Variants in USF1 observed in about 807,000 individuals in gnomAD.
USF1 encodes upstream transcription factor 1, also known as upstream stimulatory factor 1.
A neutral mutation model predicts 46.3 loss-of-function variants in USF1; 22 were observed. That is an observed-to-expected ratio of 0.47 (90% CI 0.34 to 0.68). USF1 has a LOEUF of 0.68. Among genes scored for constraint, USF1 ranks in the 30% least tolerant of loss-of-function variants. The pLI, the probability that USF1 is intolerant of heterozygous loss-of-function variation, is 0.01. For missense variants in USF1, 287 were observed against 399.3 expected, an observed-to-expected ratio of 0.72 and a Z score of 2.40; for synonymous variants, 150 against 147.0, an observed-to-expected ratio of 1.02 and a Z score of -0.15.
At chr1:161,043,546 T>G (rs977754204) in intron 1 of USF1, among the ~76,000 whole-genome samples, 186 bp from the exon 2 acceptor site, 1 of 151,980 alleles carries the variant, frequency 6.6e-6, no homozygotes, top group African/African-American at 2.4e-5. Flanking sequence ...CTACAAATAG[T>G]GTTCCCCATC....
At chr1:161,042,997 G>T in intron 2 of USF1, 115 bp from the exon 3 acceptor site, 1 of 1,453,112 alleles carries the variant, frequency 6.9e-7, no homozygotes, top group Non-Finnish European at 9.7e-7. Context: ...AGCTGGGTTA[G>T]GTTAGAATAA....
rs1385345803 is a variant in USF1 at position 161,040,209 on chromosome 1, C to T, written c.836G>A (p.Arg279Gln). 3.7e-6 allele frequency: 6 copies of T among 1,613,886 alleles called. No individual in the cohort carries two copies. The highest frequency in any genetic ancestry group is 2.2e-5 in the East Asian group (1 of 44,884). The change falls in exon 10 of 11, where the codon CGA (arginine) becomes CAA (glutamine). Residue 279 changes from arginine (R) to glutamine (Q), a missense_variant. By Grantham distance (43) the Arg-to-Gln change is conservative. Transcript: ENST00000368021. This position sits in a 1 kb window ranked among gnomAD's most constrained non-coding sequence, Gnocchi z 4.0. Reference sequence around the variant, plus strand: ...TGGGGGTAGGAGTCTGACCTGTTGTCGAAGCACGTCATTGTCCAGCTGCAG... The same window carrying T: ...TGGGGGTAGGAGTCTGACCTGTTGTTGAAGCACGTCATTGTCCAGCTGCAG... Reference protein sequence around the residue: ...DQLQLDNDVLRQQVEDLKNKN... With the variant: ...DQLQLDNDVLQQQVEDLKNKN...
rs769261239 is a variant in USF1 at position 161,039,971 on chromosome 1, A to C, written c.882T>G (p.Ala294=). The C allele has an allele frequency of 6.2e-7, 1 of 1,614,192 alleles. No homozygotes were observed. The highest frequency in any genetic ancestry group is 1.1e-5 in the South Asian group (1 of 91,082). The change falls in exon 11 of 11, where the codon GCT becomes GCG. Residue 294 remains alanine (A), a synonymous_variant. Transcript: ENST00000368021. ...DLKNKNLLLR[A]QLRHHGLEVV... The stretch of plus-strand genomic sequence containing the variant: ...CCTCTAATCCGTGGTGCCGCAACTG[A>C]GCTCGAAGCAGCAGATTCTTGTTTT...
intron 1 of USF1, among the ~76,000 whole-genome samples, chr1:161,043,569 C>G (rs1298591519): frequency 1.3e-5 from 2 of 151,956 alleles, no homozygotes; most frequent in African/African-American, 4.8e-5. Flanking sequence ...TCCATTATCA[C>G]TCCAACTCCT....
intron 4 of USF1, 116 bp from the exon 5 acceptor site, chr1:161,042,333 A>G: frequency 1.7e-6 from 2 of 1,149,980 alleles, no homozygotes; most frequent in Non-Finnish European, 2.5e-6. Flanking sequence ...AAAGTCCTTC[A>G]GAGACATGGA....
chr1:161,042,845 G>A lies in USF1; in HGVS notation c.46C>T (p.Gln16Ter). 6.2e-7 allele frequency: 1 copy of A among 1,614,162 alleles called. No individual in the cohort carries two copies. The highest frequency in any genetic ancestry group is 8.5e-7 in the Non-Finnish European group (1 of 1,180,030). ...KTAETEEGTV[Q>*]IQEGAVATGE... The stretch of plus-strand genomic sequence containing the variant: ...TTCTAGCACTCACCTTCCTGAATCT[G>A]CACTGTCCCCTCTTCCGTTTCAGCT... Residue 16 changes from glutamine (Q) to a stop codon, truncating the protein, a stop_gained, in exon 3 of 11, where the codon CAG (glutamine) becomes TAG (stop). Coordinates refer to ENST00000368021, the MANE Select transcript of USF1 (RefSeq NM_007122.5). LOFTEE classifies it high-confidence loss of function.
rs761773351 is a variant in USF1 at position 161,043,297 on chromosome 1, C to G, written c.-22G>C. ...TCATCTCTCTGTGAGGGGGCACATC[C>G]GAGGAACTGGTCCTTTTTTGGAGGT... On this transcript the variant is annotated 5_prime_UTR_variant, in exon 2 of 11. Coordinates refer to ENST00000368021, the MANE Select transcript of USF1 (RefSeq NM_007122.5). The G allele has an allele frequency of 6.2e-7, 1 of 1,614,194 alleles. No individual in the cohort carries two copies. Among genetic ancestry groups the G allele is most frequent in the South Asian group, 1.1e-5 (1 of 91,078 alleles).
chr1:161,042,015 T>C, intron 5 of USF1, 101 bp downstream of exon 5: 1 of 1,382,404 alleles, frequency 7.2e-7, no homozygotes, highest in Non-Finnish European at 1.0e-6. Flanking sequence ...CAAGGCAGCC[T>C]TAGATGCCTC....
At chr1:161,043,094 C>T (rs562934696) in intron 2 of USF1, among the ~76,000 whole-genome samples, 174 bp downstream of exon 2, 4 of 152,280 alleles carry the variant, frequency 2.6e-5, no homozygotes, top group South Asian at 2.1e-4. Flanking sequence ...AACAGCACCA[C>T]GAGATAGATA....
In USF1 at chr1:161,040,855, CG is replaced by C; in HGVS notation, c.577del (p.Arg193GlyfsTer33). ...CCTGCGTTTCTCATCCCGAGTCGTC[CG>C]GGGAGCTTCTGACTTCCTGACAACA... Reference protein sequence around the residue: ...HPYSPKSEAPRTTRDEKRRAQ... With the variant: ...HPYSPKSEAPXTTRDEKRRAQ... On this transcript the variant is annotated frameshift_variant, in exon 8 of 11. Coordinates refer to ENST00000368021, the MANE Select transcript of USF1 (RefSeq NM_007122.5). LOFTEE classifies it high-confidence loss of function. The surrounding 1 kb of genome is among the most constrained non-coding windows in gnomAD (Gnocchi z 4.0). 1.2e-6 allele frequency: 2 copies of C among 1,613,982 alleles called. No individual in the cohort carries two copies. The highest frequency in any genetic ancestry group is 1.7e-6 in the Non-Finnish European group (2 of 1,179,976).
intron 5 of USF1, 120 bp downstream of exon 5, chr1:161,041,996 G>A (rs2102013402): frequency 7.5e-7 from 1 of 1,338,010 alleles, no homozygotes; most frequent in Non-Finnish European, 1.0e-6. Flanking sequence ...AGAGCCTAGT[G>A]CTTTGGGACA....
At chr1:161,042,723 C>T (rs376077931) in intron 3 of USF1, 53 bp from the exon 4 acceptor site, 67 of 1,612,082 alleles carry the variant, frequency 4.2e-5, no homozygotes, top group East Asian at 2.2e-4. Context: ...TTTCTACCCC[C>T]GTTCCATTTG....
At chr1:161,041,013 G>C in intron 7 of USF1, 141 bp from the exon 8 acceptor site, 1 of 1,124,826 alleles carries the variant, frequency 8.9e-7, no homozygotes, top group Non-Finnish European at 1.3e-6. Context: ...TGTAATCCCA[G>C]CACTTTGGGA....
chr1:161,041,385 G>A lies in USF1; in HGVS notation c.499C>T (p.Gln167Ter). 6 of 1,613,016 alleles carry A rather than the reference G, an allele frequency of 3.7e-6. No individual in the cohort carries two copies. The highest frequency in any genetic ancestry group is 5.1e-6 in the Non-Finnish European group (6 of 1,179,600). Residue 167 changes from glutamine to a stop codon, truncating the protein, a stop_gained, in exon 7 of 11, where the codon CAA becomes TAA. Transcript: ENST00000368021. LOFTEE classifies it high-confidence loss of function. ...TGQFFVMMSP[Q>*]EVLQGGSQRS... ...TGGCTTCCTCCCTGCAGTACTTCTT[G>A]TGGTGACATCATCACAAAGAATTGA...
chr1:161,042,020 TG>T, intron 5 of USF1, 95 bp downstream of exon 5: 1 of 1,406,362 alleles, frequency 7.1e-7, no homozygotes, highest in Non-Finnish European at 9.8e-7. Context: ...CAGCCTTAGA[TG>T]CCTCACTGTT....
At chr1:161,043,469 G>T in intron 1 of USF1, 109 bp from the exon 2 acceptor site, 1 of 792,846 alleles carries the variant, frequency 1.3e-6, no homozygotes, top group Non-Finnish European at 2.0e-6. Flanking sequence ...CCAGTCATCT[G>T]CAGGGGACAA....
intron 1 of USF1, among the ~76,000 whole-genome samples, chr1:161,044,572 A>C (rs1441941380): frequency 6.6e-6 from 1 of 152,218 alleles, no homozygotes; most frequent in African/African-American, 2.4e-5. Flanking sequence ...CTAAAGCCCA[A>C]GTGGATCCTC....
Position 161,042,232 on chromosome 1 carries a change from G to A in USF1, c.175-15C>T, listed in dbSNP as rs1650596792. The A allele has an allele frequency of 2.5e-6, 4 of 1,603,442 alleles. No individual in the cohort carries two copies. Among genetic ancestry groups the A allele is most frequent in the Non-Finnish European group, 3.4e-6 (4 of 1,173,878 alleles). On this transcript the variant is annotated splice_polypyrimidine_tract_variant and intron_variant, in intron 4 of 10. Transcript: ENST00000368021. ...CTGTACATCACCTAGAAGTGTAGAGGAAGGCAGAGGGAGTGAAGAGAGAAG... is the reference window on the plus strand; with the variant it reads ...CTGTACATCACCTAGAAGTGTAGAGAAAGGCAGAGGGAGTGAAGAGAGAAG...
Position 161,043,380 on chromosome 1 carries a change from T to C in USF1, c.-85-20A>G. The C allele has an allele frequency of 3.8e-6, 6 of 1,577,196 alleles. No homozygotes were observed. Among genetic ancestry groups the C allele is most frequent in the South Asian group, 1.1e-5 (1 of 88,826 alleles). On this transcript the variant is annotated intron_variant, in intron 1 of 10. Coordinates refer to ENST00000368021, the MANE Select transcript of USF1 (RefSeq NM_007122.5). ...TAAGTCCTGGTAGAAATCATGAAGT[T>C]TGCAATGAGTTTAGGAAACAGAACA...
Sources: gnomAD v4.1 joint callset for allele counts (sites outside exome capture counted in the v4.1 genomes callset) on GRCh38, gnomAD v4.1.1 for gene constraint, Gnocchi (gnomAD v3.1) non-coding constraint, MANE v1.5 for transcripts, NCBI Gene and HGNC (gene_info 2026-07-23, HGNC 2026-07-21) for gene names.